The following RNF144A variants were observed in gnomAD, a reference collection of about 807,000 sequenced individuals.
RNF144A encodes ring finger protein 144A, also known as E3 ubiquitin-protein ligase RNF144A.
In RNF144A, 11 loss-of-function variants were observed where a neutral mutation model predicts 38.7. The ratio of observed to expected loss-of-function variants is 0.28; its 90% CI spans 0.18 to 0.47. The LOEUF (loss-of-function observed/expected upper bound fraction) is 0.47, where lower values mean the gene tolerates loss of function less well. RNF144A is among the 20% of genes least tolerant of loss of function. The pLI is 0.99. For synonymous variants in RNF144A, 149 were observed against 143.9 expected (o/e 1.04, Z -0.25); for missense variants, 316 against 377.2 (o/e 0.84, Z 1.34).
chr2:6,959,046 A>T (rs555158257), intron 2 of RNF144A, among the ~76,000 whole-genome samples: 1 of 152,146 alleles, frequency 6.6e-6, no homozygotes, highest in South Asian at 2.1e-4. Flanking sequence ...AGAACACGTG[A>T]TGCTCCTGGC....
chr2:6,939,584 T>C lies in RNF144A; in HGVS notation c.-211-1364T>C, dbSNP rs570799053. 2.7e-3 allele frequency among the ~76,000 whole-genome samples: 417 copies of C among 152,346 alleles called. 6 individuals are homozygous for C. The highest frequency in any genetic ancestry group is 9.3e-3 in the African/African-American group (387 of 41,550). On this transcript the variant is annotated intron_variant, in intron 1 of 8. Transcript: ENST00000320892. The stretch of plus-strand genomic sequence containing the variant: ...GCAAACATTTTTAACTGTGATGAAT[T>C]ACAATGTATCTATTTTTTCTTGTTT...
chr2:6,923,171 G>A (rs914480294), intron 1 of RNF144A, among the ~76,000 whole-genome samples: 2 of 152,198 alleles, frequency 1.3e-5, no homozygotes, highest in African/African-American at 4.8e-5. Context: ...AGGCAGCAGC[G>A]CTTCCTCATG....
rs572765245 is a variant in RNF144A, at chr2:7,054,474, A to G, written c.735-13742A>G. Among the ~76,000 whole-genome samples the G allele has an allele frequency of 5.3e-5, 8 of 152,254 alleles. No individual in the cohort carries two copies. In the East Asian group the frequency reaches 1.5e-3, roughly 29 times the overall value. On this transcript the variant is annotated intron_variant, in intron 6 of 6. Transcript: ENST00000432850. ...TATGGGACACAAGAGCTACCCTAGG[A>G]TTTTTCTGTCATGCAAGTTAAAGTC...
intron 8 of RNF144A, among the ~76,000 whole-genome samples, chr2:7,037,138 A>G (rs534398542): frequency 8.5e-5 from 13 of 152,182 alleles, no homozygotes; most frequent in Non-Finnish European, 1.6e-4. Context: ...ACACACACAC[A>G]GTGGTTCTTT....
intron 2 of RNF144A, among the ~76,000 whole-genome samples, chr2:6,996,022 A>G (rs1328902658): frequency 6.6e-6 from 1 of 152,174 alleles, no homozygotes; most frequent in African/African-American, 2.4e-5. Flanking sequence ...TGGTTAGGGA[A>G]CTGTTTTGGG....
At chr2:6,990,475 T>C (rs1203430206) in intron 2 of RNF144A, among the ~76,000 whole-genome samples, 1 of 128,890 alleles carries the variant, frequency 7.8e-6, no homozygotes, top group African/African-American at 3.0e-5. Context: ...TAACATATAA[T>C]ATATATAGCA....
Position 7,041,947 on chromosome 2 carries a change from C to T in RNF144A, c.*2187C>T. ...CAGTCATGCACATCTGTAGCCCCAG[C>T]CATCCTTGTGCCTTCACCTCTGATG... is the stretch of plus-strand genomic sequence containing the variant. On this transcript the variant is annotated 3_prime_UTR_variant, in exon 9 of 9. Coordinates refer to ENST00000320892, the MANE Select transcript of RNF144A (RefSeq NM_014746.6). 1 of 985,416 alleles carries T rather than the reference C, an allele frequency of 1.0e-6. No individual in the cohort carries two copies. The highest frequency in any genetic ancestry group is 1.2e-6 in the Non-Finnish European group (1 of 829,940). 61.0% of individuals were successfully genotyped at this position (985,416 alleles called of 1,614,324 possible). A position where few individuals can be genotyped will look rare whatever the true frequency, so the allele number is the denominator to read the frequency against.
rs1314036508 is a variant in RNF144A, at chr2:6,962,390, C to T, written c.-12+21243C>T. 6.6e-6 allele frequency among the ~76,000 whole-genome samples: 1 copy of T among 152,200 alleles called. No homozygotes were observed. The highest frequency in any genetic ancestry group is 1.5e-5 in the Non-Finnish European group (1 of 68,034). ...TTCTATGGTGCAGCTGCTGGCATCC[C>T]CCATAGAAGTTTCTGGCTTCCTTAT... On this transcript the variant is annotated intron_variant, in intron 2 of 8. Coordinates refer to ENST00000320892, the MANE Select transcript of RNF144A (RefSeq NM_014746.6). This position sits in a 1 kb window ranked among gnomAD's most constrained non-coding sequence, Gnocchi z 4.1.
At chr2:6,984,383 A>G (rs1410198483) in intron 2 of RNF144A, among the ~76,000 whole-genome samples, 1 of 151,618 alleles carries the variant, frequency 6.6e-6, no homozygotes, top group Non-Finnish European at 1.5e-5. Context: ...GCTCACTGCA[A>G]CCTCCGCCTC....
intron 6 of RNF144A, among the ~76,000 whole-genome samples, chr2:7,049,995 C>G (rs542663749): frequency 6.6e-6 from 1 of 152,136 alleles, no homozygotes; most frequent in African/African-American, 2.4e-5. Context: ...CTTTTTCAGT[C>G]GAAAATGCAT....
At chr2:6,932,559 C>T (rs190150673) in intron 1 of RNF144A, among the ~76,000 whole-genome samples, 2 of 151,944 alleles carry the variant, frequency 1.3e-5, no homozygotes, top group African/African-American at 4.8e-5. Context: ...TGTGTTTTAT[C>T]TCACCATTCT....
chr2:6,979,862 C>A (rs532061382), intron 2 of RNF144A, among the ~76,000 whole-genome samples: 6 of 152,154 alleles, frequency 3.9e-5, no homozygotes, highest in Non-Finnish European at 8.8e-5. Flanking sequence ...AATGATACTA[C>A]CTGAGACTGA....
At chr2:6,918,569 G>C (rs190764744) in intron 1 of RNF144A, 28 of 151,684 alleles carry the variant, frequency 1.8e-4, no homozygotes, top group Admixed American at 1.1e-3. Flanking sequence ...GAGGTCAGGA[G>C]ATCGAGACCA....
At position 6,962,730 on chromosome 2, in the gene RNF144A, CTTATT is replaced by C. The variant is rs1337747902; in HGVS notation, c.-12+21589_-12+21593del. Reference sequence around the variant, plus strand: ...TTTGCTTGGATATTTATGCACTTGTCTTATTTTATTCATCACAGCATAAACTTCCA... The same window carrying C: ...TTTGCTTGGATATTTATGCACTTGTCTTATTCATCACAGCATAAACTTCCA... On this transcript the variant is annotated intron_variant, in intron 2 of 8. Transcript: ENST00000320892. This position sits in a 1 kb window ranked among gnomAD's most constrained non-coding sequence, Gnocchi z 4.1. Among the ~76,000 whole-genome samples, 5 of 152,186 alleles carry C rather than the reference CTTATT, an allele frequency of 3.3e-5. No homozygotes were observed. The highest frequency in any genetic ancestry group is 2.0e-4 in the Admixed American group (3 of 15,286).
At chr2:7,062,850 G>T (rs563086277) in intron 6 of RNF144A, 1 of 152,292 alleles carries the variant, frequency 6.6e-6, no homozygotes, top group African/African-American at 2.4e-5. Context: ...TTACAAATTT[G>T]ATAGTTTCCA....
intron 2 of RNF144A, among the ~76,000 whole-genome samples, chr2:6,972,276 A>G (rs1178282920): frequency 1.3e-5 from 2 of 152,224 alleles, no homozygotes; most frequent in East Asian, 3.8e-4. Context: ...AGATTGAGTG[A>G]CAGTCTGAGA....
At chr2:7,039,494 G>A (rs1458139563) in intron 8 of RNF144A, 135 bp from the exon 9 acceptor site, 14 of 1,422,614 alleles carry the variant, frequency 9.8e-6, no homozygotes, top group Non-Finnish European at 1.3e-5. Context: ...ATGGGTAGAT[G>A]GATGGATGGA....
intron 2 of RNF144A, among the ~76,000 whole-genome samples, chr2:6,959,658 C>T (rs1056806239): frequency 2.6e-5 from 4 of 152,298 alleles, no homozygotes; most frequent in Non-Finnish European, 5.9e-5. Context: ...GCTTCTATAA[C>T]AGACTCACTC....
rs897606032 is a variant in RNF144A at position 7,041,742 on chromosome 2, C to T, written c.*1982C>T. 3.2e-5 allele frequency: 32 copies of T among 985,472 alleles called. No homozygotes were observed. Among genetic ancestry groups the T allele is most frequent in the Non-Finnish European group, 3.4e-5 (28 of 830,074 alleles). 61.0% of individuals were successfully genotyped at this position (985,472 alleles called of 1,614,324 possible). ...TCCAGTGGCCCACAGGACACGCCTCCACCATATGCTCATCCTTCCTGCCTG... is the reference window on the plus strand; with the variant it reads ...TCCAGTGGCCCACAGGACACGCCTCTACCATATGCTCATCCTTCCTGCCTG... On this transcript the variant is annotated 3_prime_UTR_variant, in exon 9 of 9. Coordinates refer to ENST00000320892, the MANE Select transcript of RNF144A (RefSeq NM_014746.6).
Sources: gnomAD v4.1 joint callset for allele counts (sites outside exome capture counted in the v4.1 genomes callset) on GRCh38, gnomAD v4.1.1 for gene constraint, Gnocchi (gnomAD v3.1) non-coding constraint, MANE v1.5 for transcripts, NCBI Gene and HGNC (gene_info 2026-07-23, HGNC 2026-07-21) for gene names.